The following ACAP2 variants were observed in gnomAD, a reference collection of about 807,000 sequenced individuals.
The protein encoded by ACAP2 is arf-GAP with coiled-coil, ANK repeat and PH domain-containing protein 2.
A neutral mutation model predicts 115.8 loss-of-function variants in ACAP2; 39 were observed. The observed-to-expected ratio is 0.34, with a 90% CI of 0.26 to 0.44. The LOEUF is 0.44. Ranked by LOEUF, ACAP2 falls within the 20% of genes least tolerant of loss-of-function variation. The pLI is 1.00. For synonymous variants in ACAP2, 289 were observed against 315.8 expected (o/e 0.92, Z 0.90); for missense variants, 662 against 927.6 (o/e 0.71, Z 3.72).
intron 16 of ACAP2, among the ~76,000 whole-genome samples, 159 bp downstream of exon 16, chr3:195,297,031 T>A (rs113783758): frequency 3.3e-5 from 5 of 152,300 alleles, no homozygotes; most frequent in African/African-American, 1.2e-4. Context: ...AATATAATTA[T>A]CTAATTAACA....
chr3:195,360,272 A>C (rs1003225760), intron 4 of ACAP2, among the ~76,000 whole-genome samples: 7 of 152,240 alleles, frequency 4.6e-5, no homozygotes, highest in Admixed American at 2.6e-4. Context: ...AATTTTTAAG[A>C]GACAAAGAAG....
intron 2 of ACAP2, among the ~76,000 whole-genome samples, chr3:195,391,762 A>C (rs1734694339): frequency 6.6e-6 from 1 of 152,074 alleles, no homozygotes; most frequent in Non-Finnish European, 1.5e-5. Flanking sequence ...TGGGAGGCCA[A>C]GGCAGGTGGA....
intron 1 of ACAP2, among the ~76,000 whole-genome samples, chr3:195,437,943 C>T (rs1715684875): frequency 7.8e-6 from 1 of 128,056 alleles, no homozygotes; most frequent in Non-Finnish European, 1.6e-5. Flanking sequence ...GTTGCCCAGG[C>T]TGGTCTCAGG....
At chr3:195,346,640 CATGAAATATAACAATCCCAATCCTAGGT>C (rs1731206408) in intron 4 of ACAP2, among the ~76,000 whole-genome samples, 1 of 152,112 alleles carries the variant, frequency 6.6e-6, no homozygotes, top group African/African-American at 2.4e-5. Flanking sequence ...ATTACATGAA[CATGAAATATAACAATCCCAATCCTAGGT>C]ATGTGGCCAA....
At chr3:195,324,994 G>C (rs767605059) in intron 9 of ACAP2, among the ~76,000 whole-genome samples, 1 of 152,102 alleles carries the variant, frequency 6.6e-6, no homozygotes, top group Admixed American at 6.5e-5. Flanking sequence ...TTACAAATAA[G>C]ATATGCAAAA....
At chr3:195,367,976 TA>T (rs1442992779) in intron 4 of ACAP2, among the ~76,000 whole-genome samples, 1 of 152,226 alleles carries the variant, frequency 6.6e-6, no homozygotes, top group African/African-American at 2.4e-5. Context: ...GGGCAGTTGT[TA>T]AACAGTCAAA....
intron 8 of ACAP2, among the ~76,000 whole-genome samples, chr3:195,329,528 T>A (rs1433516324): frequency 6.6e-6 from 1 of 152,144 alleles, no homozygotes; most frequent in South Asian, 2.1e-4. Context: ...TGCTAACCCA[T>A]ACTCTTTTTC....
At chr3:195,301,682 T>C in intron 14 of ACAP2, 38 bp from the exon 15 acceptor site, 1 of 1,571,154 alleles carries the variant, frequency 6.4e-7, no homozygotes, top group South Asian at 1.2e-5. Flanking sequence ...CTATCAAGTC[T>C]CTGTTTGCGT....
intron 4 of ACAP2, among the ~76,000 whole-genome samples, chr3:195,380,197 T>C (rs748902858): frequency 1.1e-4 from 16 of 152,158 alleles, no homozygotes; most frequent in Non-Finnish European, 2.2e-4. Flanking sequence ...CATGTCAATA[T>C]TAGCATAGCT....
chr3:195,356,384 T>C (rs1731971916), intron 4 of ACAP2, among the ~76,000 whole-genome samples: 1 of 152,110 alleles, frequency 6.6e-6, no homozygotes, highest in Admixed American at 6.5e-5. Context: ...GGGTCCTAAA[T>C]AACAGTAAAA....
intron 2 of ACAP2, among the ~76,000 whole-genome samples, chr3:195,387,698 C>T (rs1281276882): frequency 2.6e-5 from 4 of 152,230 alleles, no homozygotes; most frequent in East Asian, 3.9e-4. Context: ...TCAAGTGATT[C>T]GCCTGCCTCG....
At chr3:195,380,598 T>C (rs924967837) in intron 4 of ACAP2, among the ~76,000 whole-genome samples, 2 of 152,144 alleles carry the variant, frequency 1.3e-5, no homozygotes, top group Non-Finnish European at 2.9e-5. Flanking sequence ...CTCTTTAATA[T>C]TGGTAATTGT....
intron 1 of ACAP2, among the ~76,000 whole-genome samples, chr3:195,431,604 A>AT (rs113830959): frequency 0.26 from 35,615 of 138,326 alleles, 5,056 homozygotes; most frequent in East Asian, 0.7. Flanking sequence ...TGCCCGACTA[A>AT]TTTTTTTTTT....
chr3:195,322,242 C>A (rs534199563), intron 9 of ACAP2, among the ~76,000 whole-genome samples: 1 of 152,222 alleles, frequency 6.6e-6, no homozygotes, highest in South Asian at 2.1e-4. Flanking sequence ...AACTCTAAAG[C>A]CAGTCCCATA....
intron 1 of ACAP2, among the ~76,000 whole-genome samples, chr3:195,432,455 G>T (rs189325043): frequency 6.6e-6 from 1 of 152,130 alleles, no homozygotes; most frequent in African/African-American, 2.4e-5. Context: ...ATTCTTTCAC[G>T]CATTGAATTG....
intron 4 of ACAP2, among the ~76,000 whole-genome samples, chr3:195,364,026 C>T (rs1732547555): frequency 6.6e-6 from 1 of 152,148 alleles, no homozygotes; most frequent in African/African-American, 2.4e-5. Context: ...TGGGGAAATT[C>T]TCCAGGACAT....
At position 195,385,944 on chromosome 3, in the gene ACAP2, G is replaced by A. The variant is rs1356933140; in HGVS notation, c.112-3922C>T. 3.3e-5 allele frequency among the ~76,000 whole-genome samples: 5 copies of A among 152,178 alleles called. No homozygotes were observed. In the East Asian group the frequency reaches 9.6e-4, roughly 29 times the overall value. On this transcript the variant is annotated intron_variant, in intron 2 of 22. Transcript: ENST00000326793. Reference sequence around the variant, plus strand: ...TAATAACATTAAGAGTACTCTGAAAGGGATCATAGCAGCATTATTTACAAC... The same window carrying A: ...TAATAACATTAAGAGTACTCTGAAAAGGATCATAGCAGCATTATTTACAAC...
At chr3:195,430,843 C>A (rs551848810) in intron 1 of ACAP2, among the ~76,000 whole-genome samples, 1 of 152,134 alleles carries the variant, frequency 6.6e-6, no homozygotes, top group Non-Finnish European at 1.5e-5. Flanking sequence ...TCCACCTATG[C>A]GTTTGATTAT....
chr3:195,382,962 C>T (rs937865703), intron 2 of ACAP2, among the ~76,000 whole-genome samples: 1 of 151,562 alleles, frequency 6.6e-6, no homozygotes, highest in African/African-American at 2.4e-5. Context: ...GAAGATATTG[C>T]TATACTGTTA....
Sources: gnomAD v4.1 joint callset for allele counts (sites outside exome capture counted in the v4.1 genomes callset) on GRCh38, gnomAD v4.1.1 for gene constraint, MANE v1.5 for transcripts, NCBI Gene and HGNC (gene_info 2026-07-23, HGNC 2026-07-21) for gene names.